The following ZBTB20 variants were observed in gnomAD, a reference collection of about 807,000 sequenced individuals.
ZBTB20 encodes zinc finger and BTB domain containing 20.
Under a neutral mutation model 56.9 loss-of-function variants are expected in ZBTB20, and 9 were observed. The ratio of observed to expected loss-of-function variants is 0.16; its 90% CI spans 0.10 to 0.28. The LOEUF (loss-of-function observed/expected upper bound fraction) is 0.28, where lower values mean the gene tolerates loss of function less well. Ranked by LOEUF, ZBTB20 falls within the 10% of genes least tolerant of loss-of-function variation. The pLI, the probability that ZBTB20 is intolerant of heterozygous loss-of-function variation, is 1.00. For missense variants in ZBTB20, 655 were observed against 1,003.0 expected, an observed-to-expected ratio of 0.65 and a Z score of 4.69; for synonymous variants, 417 against 420.7, an observed-to-expected ratio of 0.99 and a Z score of 0.11.
intron 4 of ZBTB20, among the ~76,000 whole-genome samples, chr3:114,843,287 T>C (rs1422512649): frequency 1.3e-5 from 2 of 152,182 alleles, no homozygotes; most frequent in African/African-American, 4.8e-5. Flanking sequence ...ACTCATACCA[T>C]GTAGGCAGGC....
At chr3:114,581,692 TAAAA>T (rs753892002) in intron 6 of ZBTB20, among the ~76,000 whole-genome samples, 1 of 126,412 alleles carries the variant, frequency 7.9e-6, no homozygotes, top group Non-Finnish European at 1.7e-5. Flanking sequence ...GGCTTACAAC[TAAAA>T]AAAAAAAAAA....
chr3:114,744,099 C>G (rs2066848806), intron 5 of ZBTB20, among the ~76,000 whole-genome samples: 1 of 152,126 alleles, frequency 6.6e-6, no homozygotes, highest in African/African-American at 2.4e-5. Flanking sequence ...TCACAATGAA[C>G]CTTTTAATAA....
intron 6 of ZBTB20, among the ~76,000 whole-genome samples, chr3:114,620,453 C>G (rs1029851446): frequency 1.3e-5 from 2 of 152,012 alleles, no homozygotes; most frequent in African/African-American, 4.8e-5. Context: ...CCACCATGCC[C>G]GGCTAATGTT....
chr3:114,570,555 A>AG (rs2053306127), intron 6 of ZBTB20, among the ~76,000 whole-genome samples: 1 of 152,158 alleles, frequency 6.6e-6, no homozygotes, highest in Non-Finnish European at 1.5e-5. Context: ...TAATTCAGAC[A>AG]GTGTGCAGAG....
At position 114,963,895 on chromosome 3, in the gene ZBTB20, G is replaced by C. The variant is rs531612012; in HGVS notation, c.-456+10471C>G. 4.6e-5 allele frequency among the ~76,000 whole-genome samples: 7 copies of C among 152,130 alleles called. No individual in the cohort carries two copies. The South Asian group carries it at 1.5e-3, about 32-fold the overall frequency. ...TCAAGGAAATCAGATAGTAAGCCGA[G>C]GGAAATTTAGTAAACAAATTTTTAA... On this transcript the variant is annotated intron_variant, in intron 3 of 11. Transcript: ENST00000675478.
At chr3:114,472,736 T>C (rs2040283694) in intron 7 of ZBTB20, among the ~76,000 whole-genome samples, 2 of 151,666 alleles carry the variant, frequency 1.3e-5, no homozygotes, top group Non-Finnish European at 2.9e-5. Context: ...GATACCTCAC[T>C]GCTCTCCTTC....
chr3:114,729,692 A>G (rs1227959890), intron 5 of ZBTB20, among the ~76,000 whole-genome samples: 1 of 152,178 alleles, frequency 6.6e-6, no homozygotes, highest in Non-Finnish European at 1.5e-5. Context: ...TACTAAAGGA[A>G]AACATTTATT....
chr3:114,780,148 T>G (rs1178725557), intron 5 of ZBTB20, among the ~76,000 whole-genome samples: 1 of 152,216 alleles, frequency 6.6e-6, no homozygotes, highest in Non-Finnish European at 1.5e-5. Context: ...TGCATAATTT[T>G]TTTCTTAATA....
intron 5 of ZBTB20, among the ~76,000 whole-genome samples, chr3:114,701,464 A>T (rs1367263611): frequency 1.3e-5 from 2 of 152,176 alleles, no homozygotes; most frequent in Admixed American, 6.5e-5. Context: ...ATAGCTATAT[A>T]TTAAAATTAA....
At chr3:114,391,783 G>A (rs910937814) in intron 7 of ZBTB20, among the ~76,000 whole-genome samples, 6 of 152,084 alleles carry the variant, frequency 3.9e-5, no homozygotes, top group African/African-American at 4.8e-5. Context: ...TTTTTCAGAC[G>A]AAGAGATGAA....
At chr3:114,804,438 G>A (rs2071950343) in intron 4 of ZBTB20, among the ~76,000 whole-genome samples, 1 of 151,832 alleles carries the variant, frequency 6.6e-6, no homozygotes, top group African/African-American at 2.4e-5. Flanking sequence ...TTCTCTTATT[G>A]CTCTTCCAAC....
At chr3:114,444,182 C>T (rs1003600734) in intron 7 of ZBTB20, among the ~76,000 whole-genome samples, 5 of 152,136 alleles carry the variant, frequency 3.3e-5, no homozygotes, top group Non-Finnish European at 7.4e-5. Context: ...CCAATCTGTA[C>T]AGGAATATTT....
intron 2 of ZBTB20, among the ~76,000 whole-genome samples, chr3:114,990,872 G>C (rs1343740565): frequency 6.6e-6 from 1 of 152,150 alleles, no homozygotes; most frequent in Non-Finnish European, 1.5e-5. Flanking sequence ...ATTTCTGCTA[G>C]ATTTTCTAGT....
At chr3:114,553,936 C>T (rs1431979978) in intron 6 of ZBTB20, among the ~76,000 whole-genome samples, 1 of 152,154 alleles carries the variant, frequency 6.6e-6, no homozygotes, top group Non-Finnish European at 1.5e-5. Flanking sequence ...TAAAGGTTTG[C>T]ATCTTTCCCC....
At chr3:115,035,989 T>C (rs1257841545) in intron 2 of ZBTB20, among the ~76,000 whole-genome samples, 1 of 152,210 alleles carries the variant, frequency 6.6e-6, no homozygotes, top group Non-Finnish European at 1.5e-5. Context: ...ACAAATATTG[T>C]ATGATCCAAT....
intron 2 of ZBTB20, among the ~76,000 whole-genome samples, chr3:115,019,233 A>G (rs1441939184): frequency 6.6e-6 from 1 of 151,320 alleles, no homozygotes; most frequent in Non-Finnish European, 1.5e-5. Flanking sequence ...AAAAAATTTT[A>G]GATGGATTAA....
chr3:114,685,215 C>T (rs1253273062), intron 6 of ZBTB20, among the ~76,000 whole-genome samples: 8 of 152,190 alleles, frequency 5.3e-5, no homozygotes, highest in Non-Finnish European at 8.8e-5. Flanking sequence ...AGACAAGGAG[C>T]TCCAGAGGGT....
chr3:114,575,920 T>A (rs2053965445), intron 6 of ZBTB20, among the ~76,000 whole-genome samples: 1 of 152,110 alleles, frequency 6.6e-6, no homozygotes, highest in African/African-American at 2.4e-5. Context: ...CCTAACAAAA[T>A]AATTGACAGA....
chr3:114,380,295 C>G lies in ZBTB20; in HGVS notation c.121G>C (p.Val41Leu). Reference sequence around the variant, plus strand: ...ATGAGGGCTGGGTCTGGAGACAAAACAGCTTCAAAGTTCAGGCAGGGAAGG... The same window carrying G: ...ATGAGGGCTGGGTCTGGAGACAAAAGAGCTTCAAAGTTCAGGCAGGGAAGG... The part of the protein sequence containing the change: ...PGLPCLNFEA[V>L]LSPDPALIHS... The change falls in exon 10 of 12, where the codon GTT (valine) becomes CTT (leucine). Residue 41 changes from valine to leucine, a missense_variant. By Grantham distance (32) the Val-to-Leu change is conservative. This residue lies in a region of ZBTB20 where 79 missense variants were observed against 78.4 expected (regional missense o/e 1.01). Coordinates refer to ENST00000675478, the MANE Select transcript of ZBTB20 (RefSeq NM_001348800.3). 6.5e-7 allele frequency: 1 copy of G among 1,537,184 alleles called. No individual in the cohort carries two copies. Among genetic ancestry groups the G allele is most frequent in the Non-Finnish European group, 8.7e-7 (1 of 1,146,892 alleles).
Sources: gnomAD v4.1 joint callset for allele counts (sites outside exome capture counted in the v4.1 genomes callset) on GRCh38, gnomAD v4.1.1 for gene constraint, gnomAD v4.1.1 regional missense constraint, MANE v1.5 for transcripts, NCBI Gene and HGNC (gene_info 2026-07-23, HGNC 2026-07-21) for gene names.